Variants in MCU observed in about 807,000 individuals in gnomAD.
The protein encoded by MCU is mitochondrial calcium uniporter, also known as calcium uniporter protein, mitochondrial.
Under a neutral mutation model 45.2 loss-of-function variants are expected in MCU, and 12 were observed. The observed-to-expected ratio is 0.27, with a 90% CI of 0.17 to 0.43. MCU has a LOEUF of 0.43. MCU is among the 20% of genes least tolerant of loss of function. The probability of loss-of-function intolerance (pLI) is 1.00; values close to 1 mark genes in which losing one functional copy is unlikely to be tolerated. For synonymous variants in MCU, 160 were observed against 165.1 expected (o/e 0.97, Z 0.24); for missense variants, 324 against 436.7 (o/e 0.74, Z 2.30).
intron 1 of MCU, among the ~76,000 whole-genome samples, chr10:72,805,095 T>TTC (rs1336369739): frequency 0.028 from 3,787 of 137,290 alleles, 119 homozygotes; most frequent in African/African-American, 0.088. Flanking sequence ...CTTTCTTTCT[T>TTC]TCTTTCTCTT....
chr10:72,780,510 A>ATGTGTGTGTGTGTGTGTGTGTG (rs1564554659), intron 1 of MCU, among the ~76,000 whole-genome samples: 1 of 10,992 alleles, frequency 9.1e-5, no homozygotes, highest in Non-Finnish European at 2.5e-4. Context: ...TTCTTTGGCT[A>ATGTGTGTGTGTGTGTGTGTGTG]AGTGTGTGTG....
intron 1 of MCU, among the ~76,000 whole-genome samples, chr10:72,757,269 A>C (rs1207655857): frequency 6.6e-6 from 1 of 152,174 alleles, no homozygotes; most frequent in African/African-American, 2.4e-5. Flanking sequence ...AGCAACGGGA[A>C]TCACCACCAC....
chr10:72,727,643 A>G (rs1843118529), intron 1 of MCU, among the ~76,000 whole-genome samples: 1 of 151,978 alleles, frequency 6.6e-6, no homozygotes, highest in Non-Finnish European at 1.5e-5. Flanking sequence ...TTGGTTCCCG[A>G]GTATGTATTT....
chr10:72,855,180 A>G (rs1845268811), intron 2 of MCU, among the ~76,000 whole-genome samples: 1 of 152,300 alleles, frequency 6.6e-6, no homozygotes, highest in Non-Finnish European at 1.5e-5. Context: ...TGGAGGTTGC[A>G]GTGAGCCAAG....
intron 1 of MCU, among the ~76,000 whole-genome samples, chr10:72,799,524 G>A (rs1473584581): frequency 6.7e-6 from 1 of 150,050 alleles, no homozygotes; most frequent in African/African-American, 2.5e-5. Context: ...GTCTCACTAT[G>A]TTGCTCAGGC....
chr10:72,808,753 A>G (rs530829812), intron 1 of MCU, among the ~76,000 whole-genome samples: 2 of 152,310 alleles, frequency 1.3e-5, no homozygotes, highest in Admixed American at 1.3e-4. Flanking sequence ...AAGAGGGAGC[A>G]AGCACATCTT....
intron 1 of MCU, among the ~76,000 whole-genome samples, chr10:72,774,191 G>T (rs1273937865): frequency 1.3e-5 from 2 of 152,082 alleles, no homozygotes; most frequent in African/African-American, 4.8e-5. Context: ...AACAATAATA[G>T]CTACAGCAAC....
At chr10:72,803,239 T>C (rs968341261) in intron 1 of MCU, among the ~76,000 whole-genome samples, 2 of 151,956 alleles carry the variant, frequency 1.3e-5, no homozygotes, top group Non-Finnish European at 1.5e-5. Flanking sequence ...AAGAAATGAT[T>C]TCTTCACAAA....
At position 72,697,426 on chromosome 10, in the gene MCU, A is replaced by ATTT. The variant is rs1001610262; in HGVS notation, c.150+5148_150+5150dup. Among the ~76,000 whole-genome samples, 85 of 64,136 alleles carry ATTT rather than the reference A, an allele frequency of 1.3e-3. 1 individual carries two copies. Among genetic ancestry groups the ATTT allele is most frequent in the African/African-American group, 1.8e-3 (26 of 14,736 alleles). 42.1% of individuals were successfully genotyped at this position (64,136 alleles called of 152,430 possible). A position where few individuals can be genotyped will look rare whatever the true frequency, so the allele number is the denominator to read the frequency against. ...GCCACTGCACCCAGGCCAGACTTCT[A>ATTT]TTTTTTTTTTTTTTTTTTTTTTTTT... On this transcript the variant is annotated intron_variant, in intron 1 of 7. Transcript: ENST00000373053.
intron 1 of MCU, among the ~76,000 whole-genome samples, chr10:72,793,212 A>T (rs184726502): frequency 2.0e-4 from 30 of 152,132 alleles, no homozygotes; most frequent in African/African-American, 6.5e-4. Context: ...CTGCCACAAT[A>T]TAGCTAGGTA....
chr10:72,821,683 C>G (rs1416179443), intron 1 of MCU, among the ~76,000 whole-genome samples: 2 of 152,130 alleles, frequency 1.3e-5, no homozygotes, highest in Non-Finnish European at 2.9e-5. Context: ...GAATATCTCT[C>G]TAGGCTGTGA....
chr10:72,829,970 T>C (rs1391854461), intron 1 of MCU, among the ~76,000 whole-genome samples: 2 of 152,264 alleles, frequency 1.3e-5, no homozygotes, highest in Non-Finnish European at 1.5e-5. Context: ...AGTGTCATTA[T>C]AGAAGTAGGC....
intron 1 of MCU, among the ~76,000 whole-genome samples, chr10:72,794,106 A>T (rs1589463189): frequency 6.6e-6 from 1 of 151,764 alleles, no homozygotes. Flanking sequence ...TGTTGTTAAA[A>T]TTTTTTTTTA....
At chr10:72,778,601 T>C (rs982972919) in intron 1 of MCU, among the ~76,000 whole-genome samples, 2 of 152,172 alleles carry the variant, frequency 1.3e-5, no homozygotes, top group Non-Finnish European at 2.9e-5. Context: ...ATCATGTTGA[T>C]AACTTAATTG....
At chr10:72,877,281 C>T (rs1022617259) in intron 6 of MCU, among the ~76,000 whole-genome samples, 1 of 151,878 alleles carries the variant, frequency 6.6e-6, no homozygotes, top group Non-Finnish European at 1.5e-5. Flanking sequence ...GATTGTTGCC[C>T]GAAAGAGGAA....
intron 1 of MCU, among the ~76,000 whole-genome samples, chr10:72,747,155 T>G (rs1439360465): frequency 1.3e-5 from 2 of 152,230 alleles, no homozygotes; most frequent in Non-Finnish European, 2.9e-5. Flanking sequence ...TCATTCCCCA[T>G]TGCACTCCTT....
At chr10:72,710,944 A>G (rs1484992281) in intron 1 of MCU, among the ~76,000 whole-genome samples, 1 of 151,978 alleles carries the variant, frequency 6.6e-6, no homozygotes, top group Non-Finnish European at 1.5e-5. Flanking sequence ...TTGGGAGGCC[A>G]AGGCAGGTAG....
intron 1 of MCU, among the ~76,000 whole-genome samples, chr10:72,712,730 C>T (rs1405849593): frequency 6.6e-6 from 1 of 152,132 alleles, no homozygotes; most frequent in East Asian, 1.9e-4. Context: ...TAATTCTGTA[C>T]ATATTAGTCA....
chr10:72,859,443 A>T, intron 3 of MCU, 96 bp downstream of exon 3: 1 of 1,174,736 alleles, frequency 8.5e-7, no homozygotes, highest in South Asian at 1.7e-5. Context: ...GCTACAAAAG[A>T]ACCCTATACT....
Sources: allele counts gnomAD v4.1 joint callset (sites outside exome capture counted in the v4.1 genomes callset), GRCh38; gene constraint gnomAD v4.1.1; transcripts MANE v1.5; gene names NCBI Gene and HGNC (gene_info 2026-07-23, HGNC 2026-07-21).